The following C10orf95 variants were observed in gnomAD, a reference collection of about 807,000 sequenced individuals.
C10orf95 encodes uncharacterized protein C10orf95.
For missense variants in C10orf95, 412 were observed against 327.4 expected, an observed-to-expected ratio of 1.26 and a Z score of -1.99; for synonymous variants, 188 against 160.4, an observed-to-expected ratio of 1.17 and a Z score of -1.30.
At chr10:102,451,303 C>A (rs1274713093) in intron 1 of C10orf95, 83 bp downstream of exon 1, 26 of 1,481,086 alleles carry the variant, frequency 1.8e-5, no homozygotes, top group Non-Finnish European at 2.2e-5. Flanking sequence ...CAAGGTCGGG[C>A]AGAGCCTCAG....
At chr10:102,451,346 C>A (rs1001039711) in intron 1 of C10orf95, 40 bp downstream of exon 1, 2 of 1,558,114 alleles carry the variant, frequency 1.3e-6, no homozygotes, top group African/African-American at 2.7e-5. Context: ...CCTTTTCAAG[C>A]CCTCCGCCGG....
rs2061681622 is a variant in C10orf95, at chr10:102,450,029, G to A, written c.*423C>T. On this transcript the variant is annotated 3_prime_UTR_variant, in exon 2 of 2. Coordinates refer to ENST00000625129, the MANE Select transcript of C10orf95 (RefSeq NM_001363580.1). ...GCTTGGCAGGAAGGCGGGGGTAGGG[G>A]AGCGGTGGGAAAGGGGGGTGGGCGA... 1 of 245,326 alleles carries A rather than the reference G, an allele frequency of 4.1e-6. No individual in the cohort carries two copies. Among genetic ancestry groups the A allele is most frequent in the Non-Finnish European group, 8.6e-6 (1 of 116,482 alleles). 15.2% of individuals were successfully genotyped at this position (245,326 alleles called of 1,614,324 possible). A position where few individuals can be genotyped will look rare whatever the true frequency, so the allele number is the denominator to read the frequency against.
In C10orf95 at chr10:102,451,151, C is replaced by A; in HGVS notation, c.-54-4G>T. 1 of 1,439,206 alleles carries A rather than the reference C, an allele frequency of 6.9e-7. No individual in the cohort carries two copies. The highest frequency in any genetic ancestry group is 9.1e-7 in the Non-Finnish European group (1 of 1,099,168). 89.2% of individuals were successfully genotyped at this position (1,439,206 alleles called of 1,614,324 possible). On this transcript the variant is annotated splice_polypyrimidine_tract_variant and splice_region_variant and intron_variant, in intron 1 of 1. Coordinates refer to ENST00000625129, the MANE Select transcript of C10orf95 (RefSeq NM_001363580.1). ...GGGGGCTCCTGCGGATCCAGACCTGCGGCGGAGGAAGGGATATGTAGACAG... is the reference window on the plus strand; with the variant it reads ...GGGGGCTCCTGCGGATCCAGACCTGAGGCGGAGGAAGGGATATGTAGACAG...
Position 102,450,743 on chromosome 10 carries a change from G to A in C10orf95, c.351C>T (p.Ser117=). 1.5e-6 allele frequency: 2 copies of A among 1,314,292 alleles called. No individual in the cohort carries two copies. Among genetic ancestry groups the A allele is most frequent in the South Asian group, 1.9e-5 (1 of 53,586 alleles). The allele number at this position is 1,314,292 out of a possible 1,614,324, so 81.4% of individuals were successfully genotyped here. ...GGCCCCAGCGCAGCTCGGTTTGCAG[G>A]CTCCCGCCCTCCGGCCACGGCGCCC... is the stretch of plus-strand genomic sequence containing the variant. ...ESWAPWPEGG[S]LQTELRWGRV... is the part of the protein sequence containing the mutation. The change falls in exon 2 of 2, where the codon AGC becomes AGT. Residue 117 remains serine (S), a synonymous_variant. Coordinates refer to ENST00000625129, the MANE Select transcript of C10orf95 (RefSeq NM_001363580.1).
intron 1 of C10orf95, 21 bp downstream of exon 1, chr10:102,451,365 T>G (rs2061692304): frequency 1.9e-6 from 3 of 1,558,086 alleles, no homozygotes; most frequent in South Asian, 1.1e-5. Flanking sequence ...GGGATGCTCT[T>G]CCCAGTGACT....
Position 102,450,883 on chromosome 10 carries a change from C to A in C10orf95, c.211G>T (p.Ala71Ser). 8.1e-7 allele frequency: 1 copy of A among 1,233,744 alleles called. No homozygotes were observed. The highest frequency in any genetic ancestry group is 1.6e-5 in the African/African-American group (1 of 64,470). The allele number at this position is 1,233,744 out of a possible 1,614,324, so 76.4% of individuals were successfully genotyped here. A position where few individuals can be genotyped will look rare whatever the true frequency, so the allele number is the denominator to read the frequency against. ...FYGPAAPPEAAPPWWACPPAY... is the reference protein window; with the variant it reads ...FYGPAAPPEASPPWWACPPAY... ...GGAGGGCAGGCCCACCAGGGCGGCG[C>A]GGCCTCGGGTGGCGCGGCGGGGCCG... is the stretch of plus-strand genomic sequence containing the variant. The change falls in exon 2 of 2, where the codon GCG (alanine) becomes TCG (serine). Residue 71 changes from alanine (A) to serine (S), a missense_variant. Transcript: ENST00000625129.
Position 102,450,428 on chromosome 10 carries a change from C to G in C10orf95, c.*24G>C. ...AAGAGCCAAGCGCGTGCACGCGGGC[C>G]CGCCCCTAGGCCTTGCGGCGGCTTC... On this transcript the variant is annotated 3_prime_UTR_variant, in exon 2 of 2. Transcript: ENST00000625129. 3.3e-6 allele frequency: 5 copies of G among 1,529,230 alleles called. No individual in the cohort carries two copies. Among genetic ancestry groups the G allele is most frequent in the Non-Finnish European group, 4.4e-6 (5 of 1,142,282 alleles). 94.7% of individuals were successfully genotyped at this position (1,529,230 alleles called of 1,614,324 possible). A position where few individuals can be genotyped will look rare whatever the true frequency, so the allele number is the denominator to read the frequency against.
Position 102,450,996 on chromosome 10 carries a change from G to A in C10orf95, c.98C>T (p.Pro33Leu). The change falls in exon 2 of 2, where the codon CCC becomes CTC. Residue 33 changes from proline (P) to leucine (L), a missense_variant. Pro to Leu is a moderately conservative substitution (Grantham distance 98). Coordinates refer to ENST00000625129, the MANE Select transcript of C10orf95 (RefSeq NM_001363580.1). ...CTYLAAPLLL[P>L]PVQAHSFRSR... ...GCGGAAGCTGTGGGCCTGGACTGGGGGTAGCAGCAGAGGGGCGGCCAGGTA... is the reference window on the plus strand; with the variant it reads ...GCGGAAGCTGTGGGCCTGGACTGGGAGTAGCAGCAGAGGGGCGGCCAGGTA... The A allele has an allele frequency of 1.5e-6, 2 of 1,317,242 alleles. No homozygotes were observed. Among genetic ancestry groups the A allele is most frequent in the Non-Finnish European group, 1.9e-6 (2 of 1,032,326 alleles). The allele number at this position is 1,317,242 out of a possible 1,614,324, so 81.6% of individuals were successfully genotyped here. A position where few individuals can be genotyped will look rare whatever the true frequency, so the allele number is the denominator to read the frequency against.
chr10:102,451,000 G>T lies in C10orf95; in HGVS notation c.94C>A (p.Leu32Ile). The T allele has an allele frequency of 7.6e-7, 1 of 1,318,312 alleles. No individual in the cohort carries two copies. The highest frequency in any genetic ancestry group is 9.7e-7 in the Non-Finnish European group (1 of 1,032,688). The allele number at this position is 1,318,312 out of a possible 1,614,324, so 81.7% of individuals were successfully genotyped here. A position where few individuals can be genotyped will look rare whatever the true frequency, so the allele number is the denominator to read the frequency against. Residue 32 changes from leucine to isoleucine, a missense_variant, in exon 2 of 2, where the codon CTA becomes ATA. Coordinates refer to ENST00000625129, the MANE Select transcript of C10orf95 (RefSeq NM_001363580.1). ...AAGCTGTGGGCCTGGACTGGGGGTA[G>T]CAGCAGAGGGGCGGCCAGGTAGGTG... ...TCTYLAAPLL[L>I]PPVQAHSFRS... is the part of the protein sequence containing the mutation.
intron 1 of C10orf95, 89 bp downstream of exon 1, chr10:102,451,297 G>C (rs1456948919): frequency 5.7e-5 from 84 of 1,467,642 alleles, no homozygotes; most frequent in Non-Finnish European, 7.4e-5. Flanking sequence ...TTGTCCCAAG[G>C]TCGGGCAGAG....
Position 102,450,698 on chromosome 10 carries a change from GCC to G in C10orf95, c.394_395del (p.Gly132ProfsTer110). Reference sequence around the variant, plus strand: ...CGAAGTCCGGTAGCTGCAGAGGGGGGCCCCGCGCGCGCTCCACGCGGCCCCAG... The same window carrying G: ...CGAAGTCCGGTAGCTGCAGAGGGGGGCCGCGCGCGCTCCACGCGGCCCCAG... Reference protein sequence around the residue: ...LRWGRVERARGPPLQLPDFVR... With the variant: ...LRWGRVERARXPPLQLPDFVR... On this transcript the variant is annotated frameshift_variant, in exon 2 of 2. Coordinates refer to ENST00000625129, the MANE Select transcript of C10orf95 (RefSeq NM_001363580.1). LOFTEE classifies it low-confidence loss of function (END_TRUNC). The G allele has an allele frequency of 8.0e-7, 1 of 1,253,344 alleles. No individual in the cohort carries two copies. The highest frequency in any genetic ancestry group is 1.0e-6 in the Non-Finnish European group (1 of 998,726). 77.6% of individuals were successfully genotyped at this position (1,253,344 alleles called of 1,614,324 possible).
At position 102,451,410 on chromosome 10, in the gene C10orf95, C is replaced by T; in HGVS notation, c.-79G>A. The T allele has an allele frequency of 6.6e-7, 1 of 1,505,692 alleles. No individual in the cohort carries two copies. The highest frequency in any genetic ancestry group is 9.0e-7 in the Non-Finnish European group (1 of 1,113,352). The allele number at this position is 1,505,692 out of a possible 1,614,324, so 93.3% of individuals were successfully genotyped here. On this transcript the variant is annotated 5_prime_UTR_variant, in exon 1 of 2. Coordinates refer to ENST00000625129, the MANE Select transcript of C10orf95 (RefSeq NM_001363580.1). ...CTTGTCTCCTTCAGCCTTGGGGAGC[C>T]GGCGGGATCCAGAGCGGGGCTCCTC... is the stretch of plus-strand genomic sequence containing the variant.
chr10:102,451,124 C>T lies in C10orf95; in HGVS notation c.-31G>A, dbSNP rs1477499514. 2.1e-6 allele frequency: 3 copies of T among 1,444,122 alleles called. No individual in the cohort carries two copies. The highest frequency in any genetic ancestry group is 2.7e-6 in the Non-Finnish European group (3 of 1,101,414). The allele number at this position is 1,444,122 out of a possible 1,614,324, so 89.5% of individuals were successfully genotyped here. The stretch of plus-strand genomic sequence containing the variant: ...GCCCCCCAGGCGGCTGCTGTTCTTA[C>T]TGGGGGCTCCTGCGGATCCAGACCT... On this transcript the variant is annotated 5_prime_UTR_variant, in exon 2 of 2. Transcript: ENST00000625129.
chr10:102,450,597 A>C lies in C10orf95; in HGVS notation c.497T>G (p.Phe166Cys). 7.9e-7 allele frequency: 1 copy of C among 1,266,920 alleles called. No individual in the cohort carries two copies. The highest frequency in any genetic ancestry group is 9.9e-7 in the Non-Finnish European group (1 of 1,010,498). 78.5% of individuals were successfully genotyped at this position (1,266,920 alleles called of 1,614,324 possible). Reference protein sequence around the residue: ...DVRVTQRRGQFLLQATPRVLE... With the variant: ...DVRVTQRRGQCLLQATPRVLE... ...CACGCGCGGCGTCGCCTGCAGCAGGAACTGGCCGCGGCGCTGGGTGACGCG... is the reference window on the plus strand; with the variant it reads ...CACGCGCGGCGTCGCCTGCAGCAGGCACTGGCCGCGGCGCTGGGTGACGCG... The change falls in exon 2 of 2, where the codon TTC becomes TGC. Residue 166 changes from phenylalanine (F) to cysteine (C), a missense_variant. Coordinates refer to ENST00000625129, the MANE Select transcript of C10orf95 (RefSeq NM_001363580.1).
Position 102,450,073 on chromosome 10 carries a change from A to C in C10orf95, c.*379T>G. 3.5e-6 allele frequency: 1 copy of C among 286,514 alleles called. No individual in the cohort carries two copies. The highest frequency in any genetic ancestry group is 7.2e-6 in the Non-Finnish European group (1 of 139,786). The allele number at this position is 286,514 out of a possible 1,614,324, so 17.7% of individuals were successfully genotyped here. A position where few individuals can be genotyped will look rare whatever the true frequency, so the allele number is the denominator to read the frequency against. ...TGGGCGACGACTCTGATAGAGGGAA[A>C]AGAGGAAGGGAAAGTTGGGGCTTAC... is the stretch of plus-strand genomic sequence containing the variant. On this transcript the variant is annotated 3_prime_UTR_variant, in exon 2 of 2. Transcript: ENST00000625129.
chr10:102,451,228 G>T, intron 1 of C10orf95, 81 bp from the exon 2 acceptor site: 1 of 1,428,268 alleles, frequency 7.0e-7, no homozygotes, highest in Non-Finnish European at 9.2e-7. Flanking sequence ...CCGGGACGCC[G>T]GTTCATGGCT....
Position 102,450,907 on chromosome 10 carries a change from C to G in C10orf95, c.187G>C (p.Gly63Arg), listed in dbSNP as rs771360324. 10 of 1,237,744 alleles carry G rather than the reference C, an allele frequency of 8.1e-6. No homozygotes were observed. Among genetic ancestry groups the G allele is most frequent in the Non-Finnish European group, 1.0e-5 (10 of 991,560 alleles). The allele number at this position is 1,237,744 out of a possible 1,614,324, so 76.7% of individuals were successfully genotyped here. ...GCGGCCTCGGGTGGCGCGGCGGGGCCGTAGAAGCGGTGGTATTCCCGTGGG... is the reference window on the plus strand; with the variant it reads ...GCGGCCTCGGGTGGCGCGGCGGGGCGGTAGAAGCGGTGGTATTCCCGTGGG... ...AAPREYHRFY[G>R]PAAPPEAAPP... The change falls in exon 2 of 2, where the codon GGC becomes CGC. Residue 63 changes from glycine to arginine, a missense_variant. Gly to Arg is a moderately radical substitution (Grantham distance 125). Coordinates refer to ENST00000625129, the MANE Select transcript of C10orf95 (RefSeq NM_001363580.1).
intron 1 of C10orf95, 21 bp downstream of exon 1, chr10:102,451,365 T>C: frequency 6.4e-7 from 1 of 1,558,204 alleles, no homozygotes; most frequent in Non-Finnish European, 8.7e-7. Context: ...GGGATGCTCT[T>C]CCCAGTGACT....
Position 102,450,658 on chromosome 10 carries a change from G to A in C10orf95, c.436C>T (p.Arg146Trp). Reference protein sequence around the residue: ...QLPDFVRRELRRAYGTYPRAD... With the variant: ...QLPDFVRRELWRAYGTYPRAD... The stretch of plus-strand genomic sequence containing the variant: ...CGGGGGTAGGTGCCGTACGCGCGCC[G>A]CAGCTCCCGGCGCACGAAGTCCGGT... The change falls in exon 2 of 2, where the codon CGG becomes TGG. Residue 146 changes from arginine (R) to tryptophan (W), a missense_variant. Coordinates refer to ENST00000625129, the MANE Select transcript of C10orf95 (RefSeq NM_001363580.1). 1 of 1,226,624 alleles carries A rather than the reference G, an allele frequency of 8.2e-7. No individual in the cohort carries two copies. The highest frequency in any genetic ancestry group is 3.3e-5 in the South Asian group (1 of 30,036). The allele number at this position is 1,226,624 out of a possible 1,614,324, so 76.0% of individuals were successfully genotyped here.
Sources: gnomAD v4.1 joint callset for allele counts on GRCh38, gnomAD v4.1.1 for gene constraint, MANE v1.5 for transcripts, NCBI Gene and HGNC (gene_info 2026-07-23, HGNC 2026-07-21) for gene names.